Variants in KLHL8 observed in about 807,000 individuals in gnomAD.
The protein encoded by KLHL8 is kelch-like protein 8.
In KLHL8, 38 loss-of-function variants were observed where a neutral mutation model predicts 63.5. That is an observed-to-expected ratio of 0.60 (90% CI 0.46 to 0.78). KLHL8 has a LOEUF of 0.78. Among genes scored for constraint, KLHL8 ranks in the 30% least tolerant of loss-of-function variants. The probability of loss-of-function intolerance (pLI) is 0.00; values close to 1 mark genes in which losing one functional copy is unlikely to be tolerated. For missense variants in KLHL8, 566 were observed against 752.4 expected, an observed-to-expected ratio of 0.75 and a Z score of 2.90; for synonymous variants, 224 against 254.3, an observed-to-expected ratio of 0.88 and a Z score of 1.13.
At chr4:87,214,457 T>TATATATAA (rs1560716517) in intron 1 of KLHL8, among the ~76,000 whole-genome samples, 5 of 121,202 alleles carry the variant, frequency 4.1e-5, no homozygotes, top group Non-Finnish European at 5.1e-5. Flanking sequence ...TATATATATA[T>TATATATAA]ATAATTGTCA....
In KLHL8 at chr4:87,162,323, T is replaced by TAAATC. The variant is rs1176951243; in HGVS notation, c.*1191_*1195dup. The TAAATC allele has an allele frequency of 1.3e-5, 2 of 152,214 alleles. No homozygotes were observed. The highest frequency in any genetic ancestry group is 4.8e-5 in the African/African-American group (2 of 41,464). 9.4% of individuals were successfully genotyped at this position (152,214 alleles called of 1,614,324 possible). A position where few individuals can be genotyped will look rare whatever the true frequency, so the allele number is the denominator to read the frequency against. On this transcript the variant is annotated 3_prime_UTR_variant, in exon 10 of 10. Transcript: ENST00000273963. ...GCTAGTTAAAACTTTGAAGAGCTGT[T>TAAATC]AAATCTGTAGGTCCATCAATATCCT...
chr4:87,229,508 C>T (rs1473685818), intron 1 of KLHL8, among the ~76,000 whole-genome samples: 1 of 150,114 alleles, frequency 6.7e-6, no homozygotes, highest in African/African-American at 2.5e-5. Flanking sequence ...GATCTTGGCT[C>T]GCAACCTCTG....
rs13139385 is a variant in KLHL8 at position 87,208,994 on chromosome 4, A to G, written c.-152+11424T>C. ...TAAAATGGTCTGTTTAAATAATGCA[A>G]TGTCCTCAACTTTAAAAAATCTATT... On this transcript the variant is annotated intron_variant, in intron 1 of 9. Transcript: ENST00000273963. Among the ~76,000 whole-genome samples, 385 of 152,296 alleles carry G rather than the reference A, an allele frequency of 2.5e-3. 1 individual carries two copies. The highest frequency in any genetic ancestry group is 4.4e-3 in the Non-Finnish European group (298 of 68,022).
In KLHL8 at chr4:87,235,021, A is replaced by C. The variant is rs538172458; in HGVS notation, n.57+5237T>G. ...TGTACAGTGTGTTCTAAAGTTTATA[A>C]AGTTTATAAAGTAAAATAATTACAG... On this transcript the variant is annotated intron_variant and non_coding_transcript_variant, in intron 1 of 1. Transcript: ENST00000506274. 2.6e-5 allele frequency among the ~76,000 whole-genome samples: 4 copies of C among 152,348 alleles called. No individual in the cohort carries two copies. The South Asian group carries it at 8.3e-4, about 32-fold the overall frequency.
chr4:87,207,315 C>T (rs1335254971), intron 1 of KLHL8: 2 of 605,876 alleles, frequency 3.3e-6, no homozygotes, highest in Non-Finnish European at 6.1e-6. Context: ...TTACCATCTT[C>T]CAGGAGCGAG....
Position 87,173,569 on chromosome 4 carries a change from T to C in KLHL8, c.1209-2954A>G, listed in dbSNP as rs151046848. On this transcript the variant is annotated intron_variant, in intron 6 of 9. Coordinates refer to ENST00000273963, the MANE Select transcript of KLHL8 (RefSeq NM_020803.5). ...CAGATATTTCACATGTGAAAATGTA[T>C]TGAAATGCCAAAAAGATGATTTGGG... Among the ~76,000 whole-genome samples, 305 of 152,302 alleles carry C rather than the reference T, an allele frequency of 2.0e-3. 2 individuals carry two copies. Among genetic ancestry groups the C allele is most frequent in the Middle Eastern group, 6.8e-3 (2 of 294 alleles).
chr4:87,209,418 T>A (rs572316999), intron 1 of KLHL8, among the ~76,000 whole-genome samples: 39 of 152,130 alleles, frequency 2.6e-4, no homozygotes, highest in African/African-American at 8.9e-4. Flanking sequence ...CTCCTCTAAG[T>A]GCCAGTAAAG....
intron 8 of KLHL8, chr4:87,167,693 C>A (rs1021236353): frequency 2.7e-6 from 1 of 375,828 alleles, no homozygotes; most frequent in Non-Finnish European, 5.3e-6. Flanking sequence ...TGAGCTCCTG[C>A]AGATGTCTAG....
intron 1 of KLHL8, among the ~76,000 whole-genome samples, chr4:87,218,068 A>G (rs1484875632): frequency 6.6e-6 from 1 of 152,198 alleles, no homozygotes; most frequent in East Asian, 1.9e-4. Flanking sequence ...ATGTCAATGT[A>G]GGTTCATCAA....
chr4:87,212,685 G>A (rs1206282275), intron 1 of KLHL8, among the ~76,000 whole-genome samples: 2 of 152,200 alleles, frequency 1.3e-5, no homozygotes, highest in African/African-American at 2.4e-5. Context: ...GGTGACCAAT[G>A]CATAGATGAT....
At chr4:87,169,929 T>G in intron 8 of KLHL8, 150 bp downstream of exon 8, 1 of 605,962 alleles carries the variant, frequency 1.7e-6, no homozygotes, top group South Asian at 2.5e-5. Flanking sequence ...TCTCTGTTAA[T>G]TATAAACAAA....
intron 1 of KLHL8, among the ~76,000 whole-genome samples, chr4:87,218,669 G>A (rs1268193965): frequency 1.3e-5 from 2 of 152,114 alleles, no homozygotes; most frequent in Non-Finnish European, 2.9e-5. Flanking sequence ...TAAAAGAATT[G>A]GCAGCTTTAA....
intron 8 of KLHL8, among the ~76,000 whole-genome samples, chr4:87,168,893 C>CT (rs1202119978): frequency 1.3e-5 from 2 of 148,644 alleles, no homozygotes; most frequent in Middle Eastern, 3.5e-3. Flanking sequence ...TTAGCAATGC[C>CT]TTTTTTTGCT....
chr4:87,195,830 A>G (rs1198144451), intron 1 of KLHL8, 140 bp from the exon 2 acceptor site: 1 of 258,802 alleles, frequency 3.9e-6, no homozygotes, highest in African/African-American at 2.2e-5. Flanking sequence ...TTTTATGCTA[A>G]ATAACACATA....
chr4:87,169,740 T>G (rs893861093), intron 8 of KLHL8, among the ~76,000 whole-genome samples: 5 of 152,002 alleles, frequency 3.3e-5, no homozygotes, highest in African/African-American at 1.2e-4. Context: ...AGCCTGGGCC[T>G]CTAGTCCTAG....
chr4:87,181,102 A>G (rs1284750663), intron 4 of KLHL8, among the ~76,000 whole-genome samples: 1 of 152,006 alleles, frequency 6.6e-6, no homozygotes, highest in Non-Finnish European at 1.5e-5. Flanking sequence ...CAAATTGTTT[A>G]TAAGTAAACA....
At chr4:87,214,271 G>A (rs1399139199) in intron 1 of KLHL8, among the ~76,000 whole-genome samples, 1 of 149,792 alleles carries the variant, frequency 6.7e-6, no homozygotes, top group Non-Finnish European at 1.5e-5. Context: ...CTTATTAGTT[G>A]TATATTCATT....
At chr4:87,230,454 G>A (rs549021561) in intron 1 of KLHL8, among the ~76,000 whole-genome samples, 84 of 152,214 alleles carry the variant, frequency 5.5e-4, no homozygotes, top group African/African-American at 1.9e-3. Flanking sequence ...TACTATTAAC[G>A]TTTTTGTTCA....
chr4:87,189,615 C>T (rs914550702), intron 2 of KLHL8, among the ~76,000 whole-genome samples: 2 of 151,746 alleles, frequency 1.3e-5, no homozygotes, highest in South Asian at 2.1e-4. Flanking sequence ...GCCACTTGCT[C>T]GAGCCCGCTC....
Sources: gnomAD v4.1 joint callset for allele counts (sites outside exome capture counted in the v4.1 genomes callset) on GRCh38, gnomAD v4.1.1 for gene constraint, MANE v1.5 for transcripts, NCBI Gene and HGNC (gene_info 2026-07-23, HGNC 2026-07-21) for gene names.